Variants in KLHL13 observed in about 807,000 individuals in gnomAD.
KLHL13 encodes the protein kelch-like protein 13.
Under a neutral mutation model 37.1 loss-of-function variants are expected in KLHL13, and 10 were observed. The observed-to-expected ratio is 0.27, with a 90% CI of 0.17 to 0.46. The LOEUF is 0.46. Among genes scored for constraint, KLHL13 ranks in the 20% least tolerant of loss-of-function variants. The pLI is 1.00. For synonymous variants in KLHL13, 163 were observed against 181.2 expected (o/e 0.90, Z 0.81); for missense variants, 360 against 509.3 (o/e 0.71, Z 2.82).
chrX:117,916,544 T>A (rs72607603), intron 4 of KLHL13, among the ~76,000 whole-genome samples: 17,997 of 111,872 alleles, frequency 0.16, 1,339 homozygotes, highest in East Asian at 0.32. Context: ...TATAGAAAAC[T>A]GGTATCTCTA....
In KLHL13 at chrX:118,040,873, T is replaced by G. The variant is rs182668178; in HGVS notation, c.-56+75635A>C. On this transcript the variant is annotated intron_variant, in intron 1 of 6. Transcript: ENST00000371882. ...ATACATCTGTCAGCAGGCTTTTCAG[T>G]GGAAACCTTATAGGCCAGGAGAGAG... Among the ~76,000 whole-genome samples, 315 of 112,208 alleles carry G rather than the reference T, an allele frequency of 2.8e-3. 2 individuals carry two copies. Among genetic ancestry groups the G allele is most frequent in the Non-Finnish European group, 4.6e-3 (243 of 53,260 alleles).
At position 118,077,233 on chromosome X, in the gene KLHL13, C is replaced by T. The variant is rs73597449; in HGVS notation, c.-56+39275G>A. Among the ~76,000 whole-genome samples the T allele has an allele frequency of 3.9e-3, 438 of 111,294 alleles. 2 individuals carry two copies. Among genetic ancestry groups the T allele is most frequent in the African/African-American group, 0.014 (419 of 30,656 alleles). ...TAATGAGTTTACAACTGGAAGCAAT[C>T]AAACATCTATATGAGGCAATGCCAA... On this transcript the variant is annotated intron_variant, in intron 1 of 6. Transcript: ENST00000371882.
intron 1 of KLHL13, among the ~76,000 whole-genome samples, chrX:117,954,181 C>T (rs1384251533): frequency 8.9e-6 from 1 of 112,122 alleles, no homozygotes; most frequent in East Asian, 2.8e-4. Flanking sequence ...CCTTAAAGAA[C>T]TTCAAAATAA....
intron 1 of KLHL13, among the ~76,000 whole-genome samples, chrX:118,011,209 T>A (rs1364964971): frequency 9.2e-6 from 1 of 109,273 alleles, no homozygotes; most frequent in Non-Finnish European, 1.9e-5. Flanking sequence ...GCCCAACATA[T>A]GAGAGAAAGC....
At chrX:117,981,793 AAAAAGGGTG>A (rs770660975) in intron 1 of KLHL13, among the ~76,000 whole-genome samples, 6 of 111,802 alleles carry the variant, frequency 5.4e-5, no homozygotes, top group African/African-American at 1.9e-4. Context: ...CATGTATTCC[AAAAAGGGTG>A]AAGAGGCAAG....
chrX:118,041,971 T>A (rs1406821746), intron 1 of KLHL13, among the ~76,000 whole-genome samples: 2 of 111,204 alleles, frequency 1.8e-5, no homozygotes, highest in African/African-American at 6.5e-5. Context: ...AAAGTACACA[T>A]AACCTGTAGA....
chrX:117,982,808 T>C (rs185432308), intron 1 of KLHL13, among the ~76,000 whole-genome samples: 11 of 111,791 alleles, frequency 9.8e-5, no homozygotes, highest in Non-Finnish European at 1.5e-4. Flanking sequence ...TATAGTAAGA[T>C]TGTCTTCTTT....
At chrX:118,067,779 C>G (rs943983257) in intron 1 of KLHL13, among the ~76,000 whole-genome samples, 2 of 111,101 alleles carry the variant, frequency 1.8e-5, no homozygotes, top group Admixed American at 1.9e-4. Flanking sequence ...CTGTCATCTC[C>G]TATGATGATA....
At chrX:117,946,528 T>C (rs1484599061) in intron 1 of KLHL13, 7 of 112,087 alleles carry the variant, frequency 6.2e-5, no homozygotes, top group Non-Finnish European at 1.1e-4. Context: ...TGTTTCTCCA[T>C]AGGTATACAT....
chrX:117,990,748 C>T (rs185970860), intron 1 of KLHL13, among the ~76,000 whole-genome samples: 7 of 111,191 alleles, frequency 6.3e-5, no homozygotes, highest in African/African-American at 2.3e-4. Context: ...GGGCCCAATG[C>T]GAACAAGCCC....
At chrX:117,972,101 A>T (rs1334984374) in intron 1 of KLHL13, among the ~76,000 whole-genome samples, 6 of 112,143 alleles carry the variant, frequency 5.4e-5, no homozygotes, top group Admixed American at 4.7e-4. Context: ...ATACATTTTT[A>T]AAACAGACAT....
intron 5 of KLHL13, 46 bp downstream of exon 6, chrX:117,909,255 T>A: frequency 9.8e-7 from 1 of 1,020,848 alleles, no homozygotes; most frequent in South Asian, 2.5e-5. Flanking sequence ...GATAAGAATT[T>A]CTGAGTGAAG....
rs750755409 is a variant in KLHL13 at position 117,991,137 on chromosome X, T to TAAAAAAAAAAAAAAAAAAAAAAAAAA, written c.-55-45563_-55-45562insTTTTTTTTTTTTTTTTTTTTTTTTTT. Among the ~76,000 whole-genome samples, 24 of 83,819 alleles carry TAAAAAAAAAAAAAAAAAAAAAAAAAA rather than the reference T, an allele frequency of 2.9e-4. 2 individuals are homozygous for TAAAAAAAAAAAAAAAAAAAAAAAAAA. The highest frequency in any genetic ancestry group is 1.4e-3 in the African/African-American group (19 of 13,272). 72.8% of individuals were successfully genotyped at this position (83,819 alleles called of 115,157 possible). ...AAGGCTGGAAATTTTCATTAAAAAG[T>TAAAAAAAAAAAAAAAAAAAAAAAAAA]AAAAAAAAAAAAGTCTTATAAATGA... On this transcript the variant is annotated intron_variant, in intron 1 of 6. Coordinates refer to the KLHL13 transcript ENST00000371882.
At chrX:117,964,775 C>T (rs910527108) in intron 1 of KLHL13, among the ~76,000 whole-genome samples, 3 of 110,675 alleles carry the variant, frequency 2.7e-5, no homozygotes, top group Non-Finnish European at 5.7e-5. Flanking sequence ...GTGTGATGTT[C>T]GCCTTCCTGT....
At chrX:118,104,034 G>C in intron 1 of KLHL13, among the ~76,000 whole-genome samples, 1 of 90,020 alleles carries the variant, frequency 1.1e-5, no homozygotes, top group Non-Finnish European at 2.1e-5. Context: ...AACATACCGA[G>C]GCCTCATTTC....
At chrX:117,984,040 T>A (rs1042406053) in intron 1 of KLHL13, among the ~76,000 whole-genome samples, 2 of 112,113 alleles carry the variant, frequency 1.8e-5, no homozygotes, top group African/African-American at 6.5e-5. Flanking sequence ...TTCTTCTAGG[T>A]TCATTTACTA....
At chrX:118,029,836 T>A (rs142922127) in intron 1 of KLHL13, among the ~76,000 whole-genome samples, 1 of 109,668 alleles carries the variant, frequency 9.1e-6, no homozygotes, top group East Asian at 2.9e-4. Context: ...GGCATGGTGG[T>A]ATGTGCCTGT....
intron 1 of KLHL13, among the ~76,000 whole-genome samples, chrX:118,087,607 T>C (rs2055070037): frequency 1.8e-5 from 2 of 111,518 alleles, no homozygotes; most frequent in Non-Finnish European, 1.9e-5. Flanking sequence ...ATTTCTGACT[T>C]CTTTCCTTTT....
intron 1 of KLHL13, among the ~76,000 whole-genome samples, chrX:118,072,457 A>C (rs1348082551): frequency 8.9e-6 from 1 of 112,282 alleles, no homozygotes; most frequent in African/African-American, 3.2e-5. Context: ...AAGCAATGGC[A>C]ACAAAAGCCA....
Sources: allele counts gnomAD v4.1 joint callset (sites outside exome capture counted in the v4.1 genomes callset), GRCh38; gene constraint gnomAD v4.1.1; transcripts MANE v1.5; gene names NCBI Gene and HGNC (gene_info 2026-07-23, HGNC 2026-07-21).